LRP11: variants seen among roughly 807,000 people sequenced by gnomAD.
LRP11 encodes low-density lipoprotein receptor-related protein 11.
A neutral mutation model predicts 43.1 loss-of-function variants in LRP11; 25 were observed. The observed-to-expected ratio is 0.58, with a 90% confidence interval of 0.42 to 0.81. The LOEUF is 0.81. LRP11 is among the 30% of genes least tolerant of loss of function. The pLI, the probability that LRP11 is intolerant of heterozygous loss-of-function variation, is 0.00. For missense variants in LRP11, 623 were observed against 665.1 expected (o/e 0.94, Z 0.70); for synonymous variants, 316 against 299.4 (o/e 1.06, Z -0.57).
chr6:149,820,803 T>G, intron 6 of LRP11, 100 bp from the exon 7 acceptor site: 2 of 635,364 alleles, frequency 3.1e-6, no homozygotes, highest in Non-Finnish European at 5.7e-6. Flanking sequence ...CTATTTTATT[T>G]AATCCAAACA....
chr6:149,858,772 T>A (rs1244331002), intron 1 of LRP11, among the ~76,000 whole-genome samples: 1 of 152,234 alleles, frequency 6.6e-6, no homozygotes, highest in Non-Finnish European at 1.5e-5. Context: ...CACTTGAGTT[T>A]CCTAATCTGT....
chr6:149,860,704 A>C (rs2115425285), intron 1 of LRP11, among the ~76,000 whole-genome samples: 1 of 152,142 alleles, frequency 6.6e-6, no homozygotes, highest in Middle Eastern at 3.4e-3. Flanking sequence ...TCACTACAAG[A>C]CACCTCTCTC....
chr6:149,862,538 C>T (rs1403206808), intron 1 of LRP11, among the ~76,000 whole-genome samples: 3 of 150,996 alleles, frequency 2.0e-5, no homozygotes, highest in Non-Finnish European at 4.4e-5. Context: ...CATTTTTAGT[C>T]CTTAAGAAAC....
At chr6:149,862,972 A>C (rs1045419855) in intron 1 of LRP11, among the ~76,000 whole-genome samples, 8 of 152,150 alleles carry the variant, frequency 5.3e-5, no homozygotes, top group Admixed American at 6.5e-5. Flanking sequence ...TGTATGATGA[A>C]AGCCACCGCA....
At chr6:149,834,344 G>A (rs1776445217) in intron 5 of LRP11, among the ~76,000 whole-genome samples, 1 of 152,138 alleles carries the variant, frequency 6.6e-6, no homozygotes, top group Non-Finnish European at 1.5e-5. Flanking sequence ...AGGACATCTG[G>A]TTGAAGTCCC....
chr6:149,820,780 C>T (rs922337922), intron 6 of LRP11, 77 bp from the exon 7 acceptor site: 89 of 711,818 alleles, frequency 1.3e-4, no homozygotes, highest in Middle Eastern at 2.6e-4. Context: ...ATATGATACG[C>T]GCTTTGCATG....
chr6:149,823,083 A>G (rs200752739), intron 6 of LRP11, among the ~76,000 whole-genome samples: 2 of 147,354 alleles, frequency 1.4e-5, no homozygotes, highest in East Asian at 4.0e-4. Context: ...CCAAAAAAAA[A>G]CAGAAGAAGA....
intron 3 of LRP11, among the ~76,000 whole-genome samples, chr6:149,840,463 C>T (rs143943185): frequency 4.6e-5 from 7 of 152,332 alleles, no homozygotes; most frequent in African/African-American, 1.7e-4. Flanking sequence ...TTATTATCAT[C>T]TTGGAGAAGG....
At chr6:149,831,715 C>G (rs1191407709) in intron 5 of LRP11, among the ~76,000 whole-genome samples, 1 of 152,220 alleles carries the variant, frequency 6.6e-6, no homozygotes, top group African/African-American at 2.4e-5. Flanking sequence ...GTCACCCAGG[C>G]TGGAGTACAG....
chr6:149,833,277 C>A (rs1160039899), intron 5 of LRP11, among the ~76,000 whole-genome samples: 1 of 152,174 alleles, frequency 6.6e-6, no homozygotes, highest in African/African-American at 2.4e-5. Flanking sequence ...CTTTAACTTA[C>A]ATGAAATCAG....
At chr6:149,837,189 T>C in intron 4 of LRP11, 149 bp downstream of exon 4, 1 of 762,586 alleles carries the variant, frequency 1.3e-6, no homozygotes, top group Non-Finnish European at 2.0e-6. Flanking sequence ...CATATTGAAT[T>C]CTCATTTAAG....
At position 149,843,293 on chromosome 6, in the gene LRP11, G is replaced by C. The variant is rs546668687; in HGVS notation, c.772-169C>G. 1.5e-3 allele frequency among the ~76,000 whole-genome samples: 231 copies of C among 152,298 alleles called. 2 individuals carry two copies. Among genetic ancestry groups the C allele is most frequent in the African/African-American group, 5.4e-3 (224 of 41,554 alleles). ...ACACTGTTGGCAGCTGGCCCACCTT[G>C]AACTCATAAGTTCTAGTTTATTTAG... On this transcript the variant is annotated intron_variant, in intron 2 of 6. Coordinates refer to ENST00000239367, the MANE Select transcript of LRP11 (RefSeq NM_032832.6).
At chr6:149,851,880 G>T (rs1413143995) in intron 2 of LRP11, among the ~76,000 whole-genome samples, 1 of 152,182 alleles carries the variant, frequency 6.6e-6, no homozygotes, top group Non-Finnish European at 1.5e-5. Flanking sequence ...GGCTGGGGAG[G>T]CCTCAGGAAA....
At chr6:149,848,994 T>A (rs570554176) in intron 2 of LRP11, among the ~76,000 whole-genome samples, 1 of 152,252 alleles carries the variant, frequency 6.6e-6, no homozygotes, top group South Asian at 2.1e-4. Context: ...AAGAAATGGG[T>A]CCTCACTAGA....
chr6:149,822,501 TAA>T (rs35135120), intron 6 of LRP11, among the ~76,000 whole-genome samples: 32 of 143,624 alleles, frequency 2.2e-4, no homozygotes, highest in Non-Finnish European at 3.0e-4. Context: ...GATCCTGTCT[TAA>T]AAAAAAAAAA....
At position 149,827,061 on chromosome 6, in the gene LRP11, G is replaced by A. The variant is rs1776350170; in HGVS notation, c.1253-702C>T. Reference sequence around the variant, plus strand: ...GGCTCACTGCAACGTCCACCTCCTGGGTTCAAGCAATTCTCCTGCCTCAGC... The same window carrying A: ...GGCTCACTGCAACGTCCACCTCCTGAGTTCAAGCAATTCTCCTGCCTCAGC... On this transcript the variant is annotated intron_variant, in intron 5 of 6. Coordinates refer to ENST00000239367, the MANE Select transcript of LRP11 (RefSeq NM_032832.6). This position sits in a 1 kb window ranked among gnomAD's most constrained non-coding sequence, Gnocchi z 4.2. 1.3e-5 allele frequency among the ~76,000 whole-genome samples: 2 copies of A among 151,836 alleles called. No individual in the cohort carries two copies.
chr6:149,842,593 ACT>A (rs1170656534), intron 3 of LRP11: 1 of 1,534,696 alleles, frequency 6.5e-7, no homozygotes, highest in East Asian at 2.5e-5. Context: ...CCGCCATTCC[ACT>A]CTCTGCTTCC....
At chr6:149,857,096 C>T (rs1382251871) in intron 1 of LRP11, among the ~76,000 whole-genome samples, 2 of 152,134 alleles carry the variant, frequency 1.3e-5, no homozygotes, top group Non-Finnish European at 2.9e-5. Flanking sequence ...GCTGACTTTG[C>T]AAAAATTATA....
Position 149,864,141 on chromosome 6 carries a change from C to G in LRP11, c.-121G>C. 8.6e-7 allele frequency: 1 copy of G among 1,161,680 alleles called. No individual in the cohort carries two copies. Among genetic ancestry groups the G allele is most frequent in the Non-Finnish European group, 1.1e-6 (1 of 943,704 alleles). The allele number at this position is 1,161,680 out of a possible 1,614,324, so 72.0% of individuals were successfully genotyped here. ...GGCCGCGGCTGGCTCTAGGCCCCGG[C>G]CTCACAGCGCGGCGCCCCCGAACCC... On this transcript the variant is annotated 5_prime_UTR_variant, in exon 1 of 7. Transcript: ENST00000239367.
Sources: allele counts gnomAD v4.1 joint callset (sites outside exome capture counted in the v4.1 genomes callset), GRCh38; gene constraint gnomAD v4.1.1; non-coding constraint Gnocchi (gnomAD v3.1); transcripts MANE v1.5; gene names NCBI Gene and HGNC (gene_info 2026-07-23, HGNC 2026-07-21).